TMC1: variants seen among roughly 807,000 people sequenced by gnomAD.
The protein encoded by TMC1 is transmembrane channel-like protein 1.
In TMC1, 84 loss-of-function variants were observed where a neutral mutation model predicts 105.8. The observed-to-expected ratio is 0.79, with a 90% CI of 0.67 to 0.95. The LOEUF (loss-of-function observed/expected upper bound fraction) is 0.95. TMC1 is among the 40% of genes least tolerant of loss of function. The pLI is 0.00. For missense variants in TMC1, 817 were observed against 914.1 expected, an observed-to-expected ratio of 0.89 and a Z score of 1.37; for synonymous variants, 315 against 311.5, an observed-to-expected ratio of 1.01 and a Z score of -0.12.
At chr9:72,663,522 C>T (rs911722073) in intron 5 of TMC1, among the ~76,000 whole-genome samples, 13 of 152,120 alleles carry the variant, frequency 8.5e-5, no homozygotes, top group African/African-American at 3.1e-4. Context: ...AAGTTCCTCC[C>T]AAAGTTAGTT....
At chr9:72,588,745 C>T (rs1824591285) in intron 2 of TMC1, among the ~76,000 whole-genome samples, 2 of 151,824 alleles carry the variant, frequency 1.3e-5, no homozygotes, top group Admixed American at 1.3e-4. Context: ...AAAACTGCTT[C>T]CCAGGTAAGT....
chr9:72,610,226 C>T (rs1164867900), intron 2 of TMC1, among the ~76,000 whole-genome samples: 1 of 152,080 alleles, frequency 6.6e-6, no homozygotes, highest in African/African-American at 2.4e-5. Context: ...TGGACTAGAG[C>T]TTAAAAGAAG....
At chr9:72,811,650 A>G (rs1264796669) in intron 18 of TMC1, among the ~76,000 whole-genome samples, 1 of 152,182 alleles carries the variant, frequency 6.6e-6, no homozygotes, top group Non-Finnish European at 1.5e-5. Flanking sequence ...GGGTAAGGGA[A>G]TGTTCAATAA....
At chr9:72,673,348 C>T (rs748039201) in intron 5 of TMC1, among the ~76,000 whole-genome samples, 69 of 152,014 alleles carry the variant, frequency 4.5e-4, no homozygotes, top group Admixed American at 9.8e-4. Flanking sequence ...GTATTAAAGA[C>T]CAGAGCTGAA....
At chr9:72,532,515 T>A (rs1326906528) in intron 1 of TMC1, among the ~76,000 whole-genome samples, 1 of 111,336 alleles carries the variant, frequency 9.0e-6, no homozygotes, top group East Asian at 2.9e-4. Context: ...TACTCCAGCC[T>A]GGACAACAAG....
At chr9:72,776,998 A>G (rs1367182632) in intron 13 of TMC1, among the ~76,000 whole-genome samples, 3 of 152,060 alleles carry the variant, frequency 2.0e-5, no homozygotes, top group Non-Finnish European at 4.4e-5. Context: ...TCATGTGACC[A>G]AACGTTTTGT....
At chr9:72,832,459 G>T (rs1239331486) in intron 23 of TMC1, among the ~76,000 whole-genome samples, 1 of 152,152 alleles carries the variant, frequency 6.6e-6, no homozygotes, top group Non-Finnish European at 1.5e-5. Context: ...GGCCCCATAT[G>T]GGTCATGTAT....
chr9:72,806,626 T>G (rs1588093066), intron 18 of TMC1, among the ~76,000 whole-genome samples: 1 of 132,120 alleles, frequency 7.6e-6, no homozygotes. Flanking sequence ...CCAGACGGGG[T>G]CGCAGCCGGG....
intron 3 of TMC1, among the ~76,000 whole-genome samples, chr9:72,624,743 A>G (rs1214194642): frequency 6.6e-6 from 1 of 152,214 alleles, no homozygotes; most frequent in Non-Finnish European, 1.5e-5. Context: ...TCTGTGGAAC[A>G]GATTCAGGTG....
intron 12 of TMC1, among the ~76,000 whole-genome samples, chr9:72,767,733 T>A (rs1827862639): frequency 6.6e-6 from 1 of 152,188 alleles, no homozygotes; most frequent in African/African-American, 2.4e-5. Flanking sequence ...CACTGGGAAC[T>A]TGGCTCTGAC....
At chr9:72,672,807 C>T (rs537732733) in intron 5 of TMC1, among the ~76,000 whole-genome samples, 6 of 145,328 alleles carry the variant, frequency 4.1e-5, no homozygotes, top group African/African-American at 1.3e-4. Flanking sequence ...CTCAGGAATT[C>T]GAGACAAGCC....
At chr9:72,596,988 G>C (rs1824731905) in intron 2 of TMC1, among the ~76,000 whole-genome samples, 1 of 152,166 alleles carries the variant, frequency 6.6e-6, no homozygotes, top group Admixed American at 6.5e-5. Flanking sequence ...TTGGCCACCA[G>C]CAACCCTTGT....
At chr9:72,774,028 T>G (rs1210462602) in intron 13 of TMC1, among the ~76,000 whole-genome samples, 2 of 152,200 alleles carry the variant, frequency 1.3e-5, no homozygotes, top group Non-Finnish European at 2.9e-5. Flanking sequence ...ACAATTTTAT[T>G]AGGCTATATT....
chr9:72,670,811 C>T (rs1027207981), intron 5 of TMC1, among the ~76,000 whole-genome samples: 1 of 152,082 alleles, frequency 6.6e-6, no homozygotes, highest in Non-Finnish European at 1.5e-5. Context: ...GATTAATGAA[C>T]ATCAAAACAT....
At chr9:72,683,201 T>A (rs1231251040) in intron 5 of TMC1, among the ~76,000 whole-genome samples, 2 of 152,214 alleles carry the variant, frequency 1.3e-5, no homozygotes, top group Admixed American at 1.3e-4. Flanking sequence ...TCCAAGTGGC[T>A]CATTGTTGGG....
chr9:72,790,797 A>G (rs1828253671), intron 15 of TMC1, among the ~76,000 whole-genome samples: 1 of 152,172 alleles, frequency 6.6e-6, no homozygotes, highest in African/African-American at 2.4e-5. Context: ...TCTTTACATT[A>G]GTCTAAAATT....
chr9:72,606,390 T>A (rs1824913027), intron 2 of TMC1, among the ~76,000 whole-genome samples: 2 of 152,106 alleles, frequency 1.3e-5, no homozygotes, highest in South Asian at 4.1e-4. Context: ...AAATAATATA[T>A]CAGTACCTCT....
chr9:72,544,898 C>T (rs1035658687), intron 1 of TMC1, among the ~76,000 whole-genome samples: 3 of 151,648 alleles, frequency 2.0e-5, no homozygotes, highest in African/African-American at 4.9e-5. Flanking sequence ...ACCTGAGCAG[C>T]GTACACTCTA....
intron 17 of TMC1, among the ~76,000 whole-genome samples, chr9:72,798,538 C>A (rs1238744047): frequency 6.6e-6 from 1 of 152,072 alleles, no homozygotes; most frequent in East Asian, 1.9e-4. Flanking sequence ...AGAATGAGAT[C>A]ATGTCTGTTG....
Sources: allele counts gnomAD v4.1 joint callset (sites outside exome capture counted in the v4.1 genomes callset), GRCh38; gene constraint gnomAD v4.1.1; transcripts MANE v1.5; gene names NCBI Gene and HGNC (gene_info 2026-07-23, HGNC 2026-07-21).